The following ZNF711 variants were observed in gnomAD, a reference collection of about 807,000 sequenced individuals.
ZNF711 encodes the protein zinc finger protein 711.
Under a neutral mutation model 43.5 loss-of-function variants are expected in ZNF711, and 3 were observed. The observed-to-expected ratio is 0.07, with a 90% CI of 0.03 to 0.18. The LOEUF is 0.18. Among genes scored for constraint, ZNF711 ranks in the 10% least tolerant of loss-of-function variants. ZNF711 has a pLI of 1.00. For synonymous variants in ZNF711, 209 were observed against 207.7 expected, an observed-to-expected ratio of 1.01 and a Z score of -0.06; for missense variants, 412 against 604.0, an observed-to-expected ratio of 0.68 and a Z score of 3.33.
At chrX:85,254,795 C>A (rs1201890041) in intron 4 of ZNF711, among the ~76,000 whole-genome samples, 1 of 95,097 alleles carries the variant, frequency 1.1e-5, no homozygotes, top group Non-Finnish European at 2.1e-5. Context: ...GAGCGAGACT[C>A]CGTCTCAAAA....
At chrX:85,258,071 G>T (rs1466007822) in intron 5 of ZNF711, among the ~76,000 whole-genome samples, 2 of 112,455 alleles carry the variant, frequency 1.8e-5, no homozygotes, top group Non-Finnish European at 3.8e-5. Flanking sequence ...ATACAAAAAA[G>T]ATACTTTCAC....
At chrX:85,270,582 G>A (rs968679890) in intron 10 of ZNF711, 69 bp from the exon 11 acceptor site, 2 of 963,527 alleles carry the variant, frequency 2.1e-6, no homozygotes, top group East Asian at 3.3e-5. Context: ...ACTAGTTTTG[G>A]CACCTTTGTT....
Position 85,264,295 on chromosome X carries a change from T to A in ZNF711, c.643T>A (p.Leu215Ile), listed in dbSNP as rs769278811. ...MISLDDVGEK[L>I]EHMGNTPLKI... is the part of the protein sequence containing the mutation. ...TATAGTGGATGATGTTGGAGAAAAA[T>A]TAGAGCATATGGGGAATACACCATT... The change falls in exon 6 of 11, where the codon TTA (leucine) becomes ATA (isoleucine). Residue 215 changes from leucine (L) to isoleucine (I), a missense_variant. By Grantham distance (5) the Leu-to-Ile change is conservative. Transcript: ENST00000674551. 5 of 1,202,337 alleles carry A rather than the reference T, an allele frequency of 4.2e-6. No homozygotes were observed. The South Asian group carries it at 8.8e-5, about 21-fold the overall frequency.
intron 5 of ZNF711, among the ~76,000 whole-genome samples, chrX:85,258,270 A>T (rs1264345651): frequency 9.0e-6 from 1 of 111,475 alleles, no homozygotes; most frequent in African/African-American, 3.3e-5. Context: ...AAGTGAAGTA[A>T]CTCAGGAACA....
rs761002518 is a variant in ZNF711, at chrX:85,264,573, A to G, written c.778+143A>G. 4 of 523,219 alleles carry G rather than the reference A, an allele frequency of 7.6e-6. No individual in the cohort carries two copies. The East Asian group carries it at 1.5e-4, about 20-fold the overall frequency. The allele number at this position is 523,219 out of a possible 1,213,427, so 43.1% of individuals were successfully genotyped here. A position where few individuals can be genotyped will look rare whatever the true frequency, so the allele number is the denominator to read the frequency against. On this transcript the variant is annotated intron_variant, in intron 6 of 10. Coordinates refer to ENST00000674551, the MANE Select transcript of ZNF711 (RefSeq NM_001330574.2). ...AATAGTCTACTTTTAAAAATTGTATATGAATATAAAGCAGGAATGCAGAAT... is the reference window on the plus strand; with the variant it reads ...AATAGTCTACTTTTAAAAATTGTATGTGAATATAAAGCAGGAATGCAGAAT...
Position 85,255,504 on chromosome X carries a change from G to A in ZNF711, c.325G>A (p.Gly109Ser). 1.7e-6 allele frequency: 2 copies of A among 1,211,631 alleles called. No homozygotes were observed. The highest frequency in any genetic ancestry group is 1.8e-5 in the South Asian group (1 of 56,976). Reference sequence around the variant, plus strand: ...TGAAGAGGATTTAGAGGAAGATGATGGTGATCACATCTTGACTTCTGAACT... The same window carrying A: ...TGAAGAGGATTTAGAGGAAGATGATAGTGATCACATCTTGACTTCTGAACT... Reference protein sequence around the residue: ...AIEEDLEEDDGDHILTSELIT... With the variant: ...AIEEDLEEDDSDHILTSELIT... The change falls in exon 5 of 11, where the codon GGT becomes AGT. Residue 109 changes from glycine to serine, a missense_variant. By Grantham distance (56) the Gly-to-Ser change is moderately conservative. Transcript: ENST00000674551.
At chrX:85,255,829 C>T (rs1217946927) in intron 5 of ZNF711, 28 bp downstream of exon 5, 1 of 1,192,242 alleles carries the variant, frequency 8.4e-7, no homozygotes, top group Non-Finnish European at 1.1e-6. Flanking sequence ...CCCATAATTA[C>T]TCAGGAGATT....
At chrX:85,262,152 A>C (rs1382242496) in intron 5 of ZNF711, among the ~76,000 whole-genome samples, 3 of 111,111 alleles carry the variant, frequency 2.7e-5, no homozygotes, top group African/African-American at 9.8e-5. Flanking sequence ...TAAATTTAAA[A>C]GTATGAACCT....
At chrX:85,251,882 G>C (rs1427502870) in intron 4 of ZNF711, among the ~76,000 whole-genome samples, 1 of 110,688 alleles carries the variant, frequency 9.0e-6, no homozygotes, top group Non-Finnish European at 1.9e-5. Context: ...AGTGAGTTCA[G>C]TTTCCAGCTA....
chrX:85,250,266 AT>A (rs921179419), intron 4 of ZNF711, among the ~76,000 whole-genome samples: 7 of 110,650 alleles, frequency 6.3e-5, no homozygotes, highest in East Asian at 5.6e-4. Context: ...GCCTCTTGGA[AT>A]TTTTTTTTCA....
intron 4 of ZNF711, among the ~76,000 whole-genome samples, chrX:85,250,906 C>A (rs1176098904): frequency 9.0e-6 from 1 of 111,022 alleles, no homozygotes; most frequent in Non-Finnish European, 1.9e-5. Context: ...TTGTGAAATG[C>A]AAAGGTTGTC....
chrX:85,245,568 T>G (rs1928967920), intron 1 of ZNF711, among the ~76,000 whole-genome samples: 1 of 112,729 alleles, frequency 8.9e-6, no homozygotes, highest in African/African-American at 3.2e-5. Context: ...TAGTGCAGAC[T>G]TTTCAGTATG....
intron 7 of ZNF711, among the ~76,000 whole-genome samples, chrX:85,266,029 A>G (rs1332905014): frequency 3.6e-5 from 4 of 111,350 alleles, no homozygotes; most frequent in Non-Finnish European, 7.5e-5. Flanking sequence ...CTCTCTGCCT[A>G]CTTTCTCCTC....
chrX:85,260,741 C>A (rs1351055827), intron 5 of ZNF711, among the ~76,000 whole-genome samples: 1 of 110,266 alleles, frequency 9.1e-6, no homozygotes. Context: ...TTTCAAGGGT[C>A]ATTCATGTCA....
chrX:85,262,880 A>G (rs762614070), intron 5 of ZNF711, among the ~76,000 whole-genome samples: 8 of 110,896 alleles, frequency 7.2e-5, no homozygotes, highest in Non-Finnish European at 1.3e-4. Flanking sequence ...TCAAGTTTGA[A>G]ACTAAAGTAA....
chrX:85,251,009 T>A (rs1438400536), intron 4 of ZNF711, among the ~76,000 whole-genome samples: 1 of 111,555 alleles, frequency 9.0e-6, no homozygotes, highest in East Asian at 2.8e-4. Context: ...AGCCCCCCCA[T>A]GCTTATTTTA....
rs1423965048 is a variant in ZNF711, at chrX:85,270,825, G to A, written c.1421G>A (p.Ser474Asn). The A allele has an allele frequency of 5.0e-6, 6 of 1,204,718 alleles. No individual in the cohort carries two copies. In the African/African-American group the frequency reaches 7.0e-5, roughly 14 times the overall value. ...GACTTTACAACTAACAAGAAAGTGA[G>A]TTTCCATAACCACTTAGAAAGCCAT... ...DCDFTTNKKV[S>N]FHNHLESHKL... The change falls in exon 11 of 11, where the codon AGT becomes AAT. Residue 474 changes from serine (S) to asparagine (N), a missense_variant. Transcript: ENST00000674551.
intron 4 of ZNF711, among the ~76,000 whole-genome samples, chrX:85,251,608 C>G (rs1269099422): frequency 9.0e-6 from 1 of 111,231 alleles, no homozygotes; most frequent in East Asian, 2.8e-4. Flanking sequence ...TAATTTTATA[C>G]TTTTTAAATG....
chrX:85,255,709 G>C lies in ZNF711; in HGVS notation c.530G>C (p.Gly177Ala), dbSNP rs1042039416. Reference protein sequence around the residue: ...SDTETVIQAAGGVPGSTVTIK... With the variant: ...SDTETVIQAAAGVPGSTVTIK... ...ACAGAAACTGTGATTCAAGCAGCTG[G>C]AGGTGTTCCTGGTTCTACAGTTACT... Residue 177 changes from glycine to alanine, a missense_variant, in exon 5 of 11, where the codon GGA becomes GCA. Physicochemically the swap from Gly to Ala is moderately conservative, Grantham distance 60 (BLOSUM62 0). Coordinates refer to ENST00000674551, the MANE Select transcript of ZNF711 (RefSeq NM_001330574.2). 4.1e-6 allele frequency: 5 copies of C among 1,211,095 alleles called. No individual in the cohort carries two copies. In the Admixed American group the frequency reaches 8.7e-5, roughly 21 times the overall value.
Sources: allele counts gnomAD v4.1 joint callset (sites outside exome capture counted in the v4.1 genomes callset), GRCh38; gene constraint gnomAD v4.1.1; transcripts MANE v1.5; gene names NCBI Gene and HGNC (gene_info 2026-07-23, HGNC 2026-07-21).